Variants in PDSS2 observed in about 807,000 individuals in gnomAD.
The protein encoded by PDSS2 is decaprenyl diphosphate synthase subunit 2.
PDSS2 carries 31 observed loss-of-function variants against 44.5 expected under a neutral mutation model. The observed-to-expected ratio is 0.70, with a 90% CI of 0.52 to 0.94. The LOEUF is 0.94. Ranked by LOEUF, PDSS2 falls within the 40% of genes least tolerant of loss-of-function variation. The pLI, the probability that PDSS2 is intolerant of heterozygous loss-of-function variation, is 0.00. For missense variants in PDSS2, 452 were observed against 482.2 expected (o/e 0.94, Z 0.59); for synonymous variants, 157 against 180.3 (o/e 0.87, Z 1.03).
chr6:107,313,598 C>G (rs1777113184), intron 2 of PDSS2, among the ~76,000 whole-genome samples: 1 of 152,152 alleles, frequency 6.6e-6, no homozygotes, highest in Non-Finnish European at 1.5e-5. Flanking sequence ...AGTGATCCAC[C>G]TGCCTCAGCC....
chr6:107,342,366 CTT>C (rs1452228480), intron 1 of PDSS2, among the ~76,000 whole-genome samples: 1 of 152,104 alleles, frequency 6.6e-6, no homozygotes, highest in Non-Finnish European at 1.5e-5. Flanking sequence ...TCCTCTTCCT[CTT>C]GAGTTCCTTT....
At chr6:107,240,674 A>G (rs62430062) in intron 4 of PDSS2, among the ~76,000 whole-genome samples, 1 of 151,814 alleles carries the variant, frequency 6.6e-6, no homozygotes, top group Non-Finnish European at 1.5e-5. Flanking sequence ...CTGGGATTAC[A>G]GGCGTGAGCC....
At chr6:107,388,351 A>T (rs1779674276) in intron 1 of PDSS2, among the ~76,000 whole-genome samples, 1 of 152,250 alleles carries the variant, frequency 6.6e-6, no homozygotes, top group South Asian at 2.1e-4. Flanking sequence ...TTCTTATAAA[A>T]TTAGAAATAG....
At chr6:107,451,813 C>T (rs945807843) in intron 1 of PDSS2, among the ~76,000 whole-genome samples, 1 of 152,132 alleles carries the variant, frequency 6.6e-6, no homozygotes, top group Non-Finnish European at 1.5e-5. Flanking sequence ...CTGGACACAC[C>T]TTATGAACTC....
At chr6:107,252,366 C>A (rs2110902) in intron 3 of PDSS2, among the ~76,000 whole-genome samples, 44,600 of 151,860 alleles carry the variant, frequency 0.29, 7,005 homozygotes, top group East Asian at 0.53. Flanking sequence ...TTGAAGGGAG[C>A]CTTTTCAGTA....
chr6:107,216,235 A>G (rs1477910893), intron 4 of PDSS2, among the ~76,000 whole-genome samples: 1 of 152,048 alleles, frequency 6.6e-6, no homozygotes, highest in Non-Finnish European at 1.5e-5. Context: ...GCAGTTTGGG[A>G]GGGTGAGGGG....
intron 6 of PDSS2, 70 bp downstream of exon 6, chr6:107,210,369 G>T: frequency 8.6e-7 from 1 of 1,165,032 alleles, no homozygotes. Context: ...ATATCACCAA[G>T]AAATATCAAT....
chr6:107,318,482 T>C (rs1358372776), intron 2 of PDSS2, among the ~76,000 whole-genome samples: 1 of 151,886 alleles, frequency 6.6e-6, no homozygotes, highest in Non-Finnish European at 1.5e-5. Flanking sequence ...AGATGACCTA[T>C]AAGTCTGTTG....
intron 1 of PDSS2, among the ~76,000 whole-genome samples, chr6:107,428,628 G>A (rs1781077173): frequency 6.6e-6 from 1 of 152,146 alleles, no homozygotes; most frequent in Non-Finnish European, 1.5e-5. Context: ...AGGAGATCAA[G>A]ACCATCCTTG....
rs200563561 is a variant in PDSS2, at chr6:107,225,978, T to C, written c.703-13696A>G. On this transcript the variant is annotated intron_variant, in intron 4 of 7. Transcript: ENST00000369037. ...TCTTGCTCTCATAGTTATTACAGTC[T>C]AATGGGGAAGCCAAACAATTGGATA... Among the ~76,000 whole-genome samples, 6 of 152,282 alleles carry C rather than the reference T, an allele frequency of 3.9e-5. No homozygotes were observed. In the East Asian group the frequency reaches 1.2e-3, roughly 29 times the overall value.
intron 7 of PDSS2, among the ~76,000 whole-genome samples, chr6:107,190,394 C>G (rs1772331486): frequency 6.6e-6 from 1 of 152,198 alleles, no homozygotes; most frequent in Non-Finnish European, 1.5e-5. Context: ...CTCATGGCCT[C>G]TGTTCACTCG....
intron 1 of PDSS2, among the ~76,000 whole-genome samples, chr6:107,347,256 CTTTTTT>C (rs35184119): frequency 1.1e-5 from 1 of 90,000 alleles, no homozygotes; most frequent in Non-Finnish European, 2.1e-5. Context: ...ATTATATCTT[CTTTTTT>C]TTTTTTTTTT....
chr6:107,171,151 T>C (rs1350621818), intron 7 of PDSS2, among the ~76,000 whole-genome samples: 1 of 152,106 alleles, frequency 6.6e-6, no homozygotes, highest in East Asian at 1.9e-4. Context: ...GGTTCTTTTT[T>C]GTTCTTTTTT....
At chr6:107,268,582 T>C (rs1203875403) in intron 3 of PDSS2, among the ~76,000 whole-genome samples, 1 of 152,206 alleles carries the variant, frequency 6.6e-6, no homozygotes, top group Admixed American at 6.5e-5. Flanking sequence ...TGAGAATTAT[T>C]ATTGATGTAT....
rs559382627 is a variant in PDSS2 at position 107,196,475 on chromosome 6, A to G, written c.1009-2621T>C. 9.2e-5 allele frequency among the ~76,000 whole-genome samples: 14 copies of G among 152,310 alleles called. No homozygotes were observed. In the South Asian group the frequency reaches 2.7e-3, roughly 29 times the overall value. ...TCATTTAGGTTAATGGACATCTGACATTGAGGCTGATCCTGTGGTCACAAG... is the reference window on the plus strand; with the variant it reads ...TCATTTAGGTTAATGGACATCTGACGTTGAGGCTGATCCTGTGGTCACAAG... On this transcript the variant is annotated intron_variant, in intron 6 of 7. Coordinates refer to ENST00000369037, the MANE Select transcript of PDSS2 (RefSeq NM_020381.4).
intron 7 of PDSS2, among the ~76,000 whole-genome samples, chr6:107,185,162 G>A (rs1357664796): frequency 6.6e-6 from 1 of 150,498 alleles, no homozygotes; most frequent in Non-Finnish European, 1.5e-5. Flanking sequence ...AGAAGGAGAA[G>A]GAGAAGGAGA....
intron 3 of PDSS2, among the ~76,000 whole-genome samples, chr6:107,248,892 T>C (rs923560560): frequency 6.6e-5 from 10 of 152,232 alleles, no homozygotes; most frequent in African/African-American, 2.4e-4. Context: ...TGTGAAACTT[T>C]TTGTACCAAA....
At position 107,152,939 on chromosome 6, in the gene PDSS2, T is replaced by G. The variant is rs1171224596; in HGVS notation, c.*1680A>C. 2.0e-5 allele frequency: 3 copies of G among 152,228 alleles called. No homozygotes were observed. Among genetic ancestry groups the G allele is most frequent in the Non-Finnish European group, 4.4e-5 (3 of 68,044 alleles). The allele number at this position is 152,228 out of a possible 1,614,324, so 9.4% of individuals were successfully genotyped here. A position where few individuals can be genotyped will look rare whatever the true frequency, so the allele number is the denominator to read the frequency against. On this transcript the variant is annotated 3_prime_UTR_variant, in exon 8 of 8. Coordinates refer to ENST00000369037, the MANE Select transcript of PDSS2 (RefSeq NM_020381.4). ...GAAAGCATTTCAAACAGAACAGTGT[T>G]CTCTTAAGCTAAATCTATAGGCCTC... is the stretch of plus-strand genomic sequence containing the variant.
At chr6:107,196,519 C>A (rs1342539022) in intron 6 of PDSS2, among the ~76,000 whole-genome samples, 1 of 152,242 alleles carries the variant, frequency 6.6e-6, no homozygotes, top group African/African-American at 2.4e-5. Flanking sequence ...TTTTTCCACT[C>A]TCCATCCTTT....
Sources: gnomAD v4.1 joint callset for allele counts (sites outside exome capture counted in the v4.1 genomes callset) on GRCh38, gnomAD v4.1.1 for gene constraint, MANE v1.5 for transcripts, NCBI Gene and HGNC (gene_info 2026-07-23, HGNC 2026-07-21) for gene names.